The following ANKRD45 variants were observed in gnomAD, a reference collection of about 807,000 sequenced individuals.
The protein encoded by ANKRD45 is ankyrin repeat domain-containing protein 45.
In ANKRD45, 21 loss-of-function variants were observed where a neutral mutation model predicts 28.1. The observed-to-expected ratio is 0.75, with a 90% CI of 0.53 to 1.08. The LOEUF (loss-of-function observed/expected upper bound fraction) is 1.08, where lower values mean the gene tolerates loss of function less well. Ranked by LOEUF, ANKRD45 falls within the 50% of genes least tolerant of loss-of-function variation. The probability of loss-of-function intolerance (pLI) is 0.00; values close to 1 mark genes in which losing one functional copy is unlikely to be tolerated. For synonymous variants in ANKRD45, 86 were observed against 103.9 expected, an observed-to-expected ratio of 0.83 and a Z score of 1.05; for missense variants, 261 against 308.7, an observed-to-expected ratio of 0.85 and a Z score of 1.16.
At chr1:173,616,987 G>A (rs1051346411) in intron 5 of ANKRD45, among the ~76,000 whole-genome samples, 1 of 152,084 alleles carries the variant, frequency 6.6e-6, no homozygotes, top group Admixed American at 6.5e-5. Context: ...CACTCACAAT[G>A]TACGTGTGGC....
intron 3 of ANKRD45, among the ~76,000 whole-genome samples, chr1:173,628,899 C>G (rs1013684635): frequency 1.3e-5 from 2 of 152,210 alleles, no homozygotes; most frequent in Non-Finnish European, 2.9e-5. Context: ...GGGTGCTTGT[C>G]TTACCCCTCC....
At chr1:173,649,297 A>G (rs1170074382) in intron 2 of ANKRD45, among the ~76,000 whole-genome samples, 1 of 152,202 alleles carries the variant, frequency 6.6e-6, no homozygotes, top group East Asian at 1.9e-4. Context: ...AAGTGTTCTC[A>G]AAAGGGATTA....
In ANKRD45 at chr1:173,636,523, C is replaced by A. The variant is rs181192759; in HGVS notation, c.497-9364G>T. ...TTATACCTTGAGGTTCTTTCATAAA[C>A]GAATACATTTTGCTAATCAAATAAT... On this transcript the variant is annotated intron_variant, in intron 3 of 5. Coordinates refer to ENST00000333279, the MANE Select transcript of ANKRD45 (RefSeq NM_198493.3). Among the ~76,000 whole-genome samples the A allele has an allele frequency of 2.4e-3, 370 of 152,196 alleles. 3 individuals carry two copies. The highest frequency in any genetic ancestry group is 8.4e-3 in the African/African-American group (351 of 41,546).
At chr1:173,714,289 T>A in the ANKRD45 span, among the ~76,000 whole-genome samples, 2 of 152,188 alleles carry the variant, frequency 1.3e-5, no homozygotes, top group African/African-American at 4.8e-5. Flanking sequence ...AAGATAATTT[T>A]AAAAATATAC....
chr1:173,680,990 GA>G, the ANKRD45 span, among the ~76,000 whole-genome samples: 1 of 150,966 alleles, frequency 6.6e-6, no homozygotes, highest in Non-Finnish European at 1.5e-5. Flanking sequence ...CGGGGTGGGG[GA>G]GATAGGGAAG....
Position 173,660,355 on chromosome 1 carries a change from A to G in ANKRD45, c.-15-922T>C, listed in dbSNP as rs147045688. 7.0e-4 allele frequency among the ~76,000 whole-genome samples: 107 copies of G among 152,312 alleles called. 1 individual carries two copies. The highest frequency in any genetic ancestry group is 1.3e-3 in the Admixed American group (20 of 15,302). On this transcript the variant is annotated intron_variant, in intron 1 of 5. Transcript: ENST00000333279. The stretch of plus-strand genomic sequence containing the variant: ...GCAAAAAACCCAGAAGGGAAAACCA[A>G]TGTCCAAGAAGATGAGCATAAACTG...
At chr1:173,665,157 T>G (rs1021429383) in intron 1 of ANKRD45, among the ~76,000 whole-genome samples, 7 of 152,130 alleles carry the variant, frequency 4.6e-5, no homozygotes, top group African/African-American at 1.7e-4. Flanking sequence ...ATTTTCTTTT[T>G]TAAAAAAATA....
At chr1:173,661,825 G>C (rs1669788352) in intron 1 of ANKRD45, among the ~76,000 whole-genome samples, 1 of 151,946 alleles carries the variant, frequency 6.6e-6, no homozygotes, top group Admixed American at 6.6e-5. Context: ...TTGGAAACAG[G>C]CAATAAAAAA....
At chr1:173,632,648 C>G (rs1471606902) in intron 3 of ANKRD45, among the ~76,000 whole-genome samples, 14 of 151,834 alleles carry the variant, frequency 9.2e-5, no homozygotes, top group Admixed American at 9.2e-4. Flanking sequence ...TTTAAAAGAC[C>G]ATTCATCATG....
chr1:173,634,588 T>C (rs1274079142), intron 3 of ANKRD45, among the ~76,000 whole-genome samples: 2 of 151,988 alleles, frequency 1.3e-5, no homozygotes, highest in Non-Finnish European at 2.9e-5. Context: ...CATATCTTTT[T>C]CTGCAAAATT....
chr1:173,661,250 A>G (rs1020994895), intron 1 of ANKRD45, among the ~76,000 whole-genome samples: 2 of 152,112 alleles, frequency 1.3e-5, no homozygotes, highest in Non-Finnish European at 2.9e-5. Context: ...AGGGAATTAT[A>G]TGTTTAGTAA....
chr1:173,662,249 A>G (rs1669808791), intron 1 of ANKRD45, among the ~76,000 whole-genome samples: 2 of 152,228 alleles, frequency 1.3e-5, no homozygotes, highest in African/African-American at 2.4e-5. Flanking sequence ...AGAGTGCTGA[A>G]AGAAAAGAAA....
intron 3 of ANKRD45, among the ~76,000 whole-genome samples, chr1:173,637,986 A>G (rs1394618016): frequency 6.6e-6 from 1 of 152,132 alleles, no homozygotes; most frequent in African/African-American, 2.4e-5. Context: ...AGGGAAAGAG[A>G]GAGGCTTGCA....
intron 2 of ANKRD45, among the ~76,000 whole-genome samples, chr1:173,651,748 CT>C (rs1222603938): frequency 6.6e-6 from 1 of 152,038 alleles, no homozygotes; most frequent in African/African-American, 2.4e-5. Flanking sequence ...TCTTCCATTT[CT>C]TTGTGTCCTC....
chr1:173,653,157 T>C (rs1304335988), intron 2 of ANKRD45, among the ~76,000 whole-genome samples: 1 of 152,208 alleles, frequency 6.6e-6, no homozygotes, highest in Non-Finnish European at 1.5e-5. Flanking sequence ...ATATGTTTGC[T>C]CTTGCTTCTC....
At chr1:173,687,806 T>A in the ANKRD45 span, among the ~76,000 whole-genome samples, 211 of 152,216 alleles carry the variant, frequency 1.4e-3, no homozygotes, top group Middle Eastern at 0.01. Context: ...AGTTTCCTTA[T>A]CACTTACTGA....
intron 3 of ANKRD45, among the ~76,000 whole-genome samples, chr1:173,633,674 G>A (rs1427307029): frequency 1.3e-5 from 2 of 151,948 alleles, no homozygotes; most frequent in Non-Finnish European, 2.9e-5. Flanking sequence ...GAACAGAATG[G>A]AGAACCCAGA....
chr1:173,618,153 C>A (rs900222597), intron 5 of ANKRD45, among the ~76,000 whole-genome samples: 1 of 152,116 alleles, frequency 6.6e-6, no homozygotes, highest in African/African-American at 2.4e-5. Context: ...GGTCAGCAAC[C>A]TCAAAACTCA....
the ANKRD45 span, among the ~76,000 whole-genome samples, chr1:173,691,020 T>C: frequency 6.6e-6 from 1 of 152,014 alleles, no homozygotes; most frequent in Admixed American, 6.6e-5. Context: ...TGAGGTTCAA[T>C]CCCCCCCAGT....
Sources: allele counts gnomAD v4.1 joint callset (sites outside exome capture counted in the v4.1 genomes callset), GRCh38; gene constraint gnomAD v4.1.1; transcripts MANE v1.5; gene names NCBI Gene and HGNC (gene_info 2026-07-23, HGNC 2026-07-21).